CFAP210: variants seen among roughly 807,000 people sequenced by gnomAD.
The protein encoded by CFAP210 is cilia and flagella associated protein 210.
chr2:169,645,810 T>G, the CFAP210 span: 1 of 1,405,348 alleles, frequency 7.1e-7, no homozygotes, highest in Non-Finnish European at 9.9e-7. Context: ...TGCTACAACT[T>G]AGTCTTCTCA....
the CFAP210 span, among the ~76,000 whole-genome samples, chr2:169,688,008 A>G: frequency 7.2e-4 from 109 of 151,296 alleles, no homozygotes; most frequent in Non-Finnish European, 1.3e-3. Flanking sequence ...TGGGGCTTCC[A>G]CCCTCTGAAG....
At chr2:169,669,130 T>C in the CFAP210 span, among the ~76,000 whole-genome samples, 11 of 152,260 alleles carry the variant, frequency 7.2e-5, no homozygotes, top group East Asian at 2.1e-3. Context: ...AGTTGAACTC[T>C]AAGACAGGAA....
chr2:169,680,137 A>C, the CFAP210 span, among the ~76,000 whole-genome samples: 1 of 152,232 alleles, frequency 6.6e-6, no homozygotes, highest in Non-Finnish European at 1.5e-5. Flanking sequence ...ATACTGATAG[A>C]AAATAAGTTC....
chr2:169,663,841 A>G, the CFAP210 span, among the ~76,000 whole-genome samples: 1 of 151,954 alleles, frequency 6.6e-6, no homozygotes, highest in Non-Finnish European at 1.5e-5. Flanking sequence ...GAATTATTTA[A>G]TATTTTATAT....
the CFAP210 span, among the ~76,000 whole-genome samples, chr2:169,687,865 T>A: frequency 0.11 from 13,323 of 116,894 alleles, 626 homozygotes; most frequent in Middle Eastern, 0.18. Context: ...GGGCCCTGCC[T>A]CTGCAGCAAA....
At chr2:169,666,459 TA>T in the CFAP210 span, among the ~76,000 whole-genome samples, 1 of 151,094 alleles carries the variant, frequency 6.6e-6, no homozygotes, top group South Asian at 2.1e-4. Context: ...CAAATCTCAA[TA>T]AAGTATAGTC....
the CFAP210 span, among the ~76,000 whole-genome samples, chr2:169,652,892 T>C: frequency 2.7e-5 from 4 of 145,712 alleles, no homozygotes; most frequent in Non-Finnish European, 6.0e-5. Flanking sequence ...CCCAACTACT[T>C]GGGAGGCTGA....
At chr2:169,670,062 T>G in the CFAP210 span, among the ~76,000 whole-genome samples, 1 of 152,180 alleles carries the variant, frequency 6.6e-6, no homozygotes, top group African/African-American at 2.4e-5. Flanking sequence ...TATGACCATT[T>G]TTTCTTTTTT....
the CFAP210 span, among the ~76,000 whole-genome samples, chr2:169,688,967 G>C: frequency 9.9e-5 from 15 of 152,204 alleles, no homozygotes; most frequent in Non-Finnish European, 2.1e-4. Flanking sequence ...AAGAGGTTTA[G>C]TTAGACCTAC....
At chr2:169,676,246 A>G in the CFAP210 span, among the ~76,000 whole-genome samples, 2 of 151,964 alleles carry the variant, frequency 1.3e-5, no homozygotes, top group Non-Finnish European at 2.9e-5. Flanking sequence ...CCGTGTCTAT[A>G]TCATAGTTTT....
At chr2:169,671,392 C>A in the CFAP210 span, among the ~76,000 whole-genome samples, 3 of 151,856 alleles carry the variant, frequency 2.0e-5, no homozygotes, top group East Asian at 3.9e-4. Flanking sequence ...CTTCCACACA[C>A]CCTCTACACA....
At chr2:169,661,280 C>T in the CFAP210 span, 39 of 545,172 alleles carry the variant, frequency 7.2e-5, no homozygotes, top group Admixed American at 6.7e-4. Flanking sequence ...TCCAAGATGC[C>T]GTTTGCATCT....
At chr2:169,681,742 C>T in the CFAP210 span, among the ~76,000 whole-genome samples, 1 of 152,346 alleles carries the variant, frequency 6.6e-6, no homozygotes, top group Admixed American at 6.5e-5. Context: ...ACACTTGTAT[C>T]TCCATTGTCA....
chr2:169,655,279 C>T, the CFAP210 span, among the ~76,000 whole-genome samples: 5 of 152,110 alleles, frequency 3.3e-5, no homozygotes, highest in East Asian at 1.9e-4. Context: ...GCTACAGGCA[C>T]GAGCCACCGT....
At chr2:169,692,348 C>G in the CFAP210 span, among the ~76,000 whole-genome samples, 1 of 151,890 alleles carries the variant, frequency 6.6e-6, no homozygotes, top group Non-Finnish European at 1.5e-5. Flanking sequence ...AAGCTAGTAT[C>G]GAGGTGCCAG....
At chr2:169,647,032 A>G in the CFAP210 span, among the ~76,000 whole-genome samples, 4 of 152,168 alleles carry the variant, frequency 2.6e-5, no homozygotes, top group African/African-American at 9.6e-5. Context: ...ATAAATTTAA[A>G]TTTTTGATGG....
the CFAP210 span, chr2:169,659,320 A>C: frequency 2.6e-5 from 4 of 152,666 alleles, no homozygotes; most frequent in African/African-American, 9.6e-5. Flanking sequence ...AACTACCTGA[A>C]ACTGGGTAAT....
chr2:169,672,254 T>C, the CFAP210 span, among the ~76,000 whole-genome samples: 4 of 152,218 alleles, frequency 2.6e-5, no homozygotes, highest in African/African-American at 9.6e-5. Context: ...TGTTTCTTAT[T>C]AAATTTAAGC....
the CFAP210 span, among the ~76,000 whole-genome samples, chr2:169,676,928 G>A: frequency 6.6e-6 from 1 of 152,122 alleles, no homozygotes; most frequent in Non-Finnish European, 1.5e-5. Context: ...TGGAGGGAGG[G>A]ATTACCTTTT....
Sources: allele counts gnomAD v4.1 joint callset (sites outside exome capture counted in the v4.1 genomes callset), GRCh38; gene constraint gnomAD v4.1.1; transcripts MANE v1.5; gene names NCBI Gene and HGNC (gene_info 2026-07-23, HGNC 2026-07-21).